The following MAOB variants were observed in gnomAD, a reference collection of about 807,000 sequenced individuals.
MAOB encodes monoamine oxidase B, also known as amine oxidase [flavin-containing] B.
MAOB carries 15 observed loss-of-function variants against 41.9 expected under a neutral mutation model. The observed-to-expected ratio is 0.36, with a 90% CI of 0.24 to 0.55. The LOEUF is 0.55. Among genes scored for constraint, MAOB ranks in the 20% least tolerant of loss-of-function variants. The pLI is 0.86. For synonymous variants in MAOB, 167 were observed against 144.2 expected (o/e 1.16, Z -1.13); for missense variants, 345 against 398.7 (o/e 0.87, Z 1.15).
chrX:43,803,228 A>G (rs1278741608), intron 4 of MAOB, 72 bp downstream of exon 4: 2 of 957,634 alleles, frequency 2.1e-6, no homozygotes, highest in Non-Finnish European at 2.8e-6. Context: ...TTGGAGATAT[A>G]TTTTACTTTC....
At chrX:43,775,138 G>A in intron 12 of MAOB, 37 bp downstream of exon 12, 2 of 1,131,975 alleles carry the variant, frequency 1.8e-6, no homozygotes, top group South Asian at 2.3e-5. Context: ...TCAGGTGCAG[G>A]GGATTTCTGT....
chrX:43,799,490 A>C (rs2034567466), intron 5 of MAOB, among the ~76,000 whole-genome samples: 1 of 111,323 alleles, frequency 9.0e-6, no homozygotes, highest in African/African-American at 3.3e-5. Context: ...TATTGCTGGA[A>C]TTCTAGTTGT....
intron 8 of MAOB, among the ~76,000 whole-genome samples, chrX:43,787,409 A>G (rs1203844463): frequency 8.9e-6 from 1 of 111,976 alleles, no homozygotes; most frequent in East Asian, 2.8e-4. Context: ...CATATTATAA[A>G]CATATCATAA....
At chrX:43,810,203 A>G (rs893807432) in intron 3 of MAOB, among the ~76,000 whole-genome samples, 1 of 85,704 alleles carries the variant, frequency 1.2e-5, no homozygotes, top group Non-Finnish European at 2.2e-5. Context: ...AGATCGCGCC[A>G]CTGCACTCCA....
chrX:43,832,058 T>C (rs2035025353), intron 3 of MAOB, among the ~76,000 whole-genome samples: 2 of 112,244 alleles, frequency 1.8e-5, no homozygotes, highest in South Asian at 3.7e-4. Context: ...GATCCATTCC[T>C]GAATTCTTGA....
intron 5 of MAOB, among the ~76,000 whole-genome samples, chrX:43,797,778 CA>C (rs1179047535): frequency 8.9e-6 from 1 of 112,080 alleles, no homozygotes; most frequent in Non-Finnish European, 1.9e-5. Flanking sequence ...CATTCATCCT[CA>C]CCTGGTATCT....
chrX:43,817,806 T>A (rs545771764), intron 3 of MAOB, among the ~76,000 whole-genome samples: 8 of 112,486 alleles, frequency 7.1e-5, no homozygotes, highest in African/African-American at 2.6e-4. Context: ...CAAGGCACTA[T>A]TTAAATGTCA....
At chrX:43,850,461 A>C in intron 1 of MAOB, 2 of 753,542 alleles carry the variant, frequency 2.7e-6, no homozygotes, top group African/African-American at 4.6e-5. Flanking sequence ...TTGGCCAAAT[A>C]GTTCCTCCTC....
intron 3 of MAOB, among the ~76,000 whole-genome samples, chrX:43,820,444 T>G (rs1458845739): frequency 1.8e-5 from 2 of 112,383 alleles, no homozygotes; most frequent in Non-Finnish European, 3.7e-5. Context: ...ACTACAGACA[T>G]AAAGTGATTT....
chrX:43,847,414 T>C (rs1029641822), intron 1 of MAOB, among the ~76,000 whole-genome samples: 9 of 111,212 alleles, frequency 8.1e-5, no homozygotes, highest in Admixed American at 4.8e-4. Context: ...AGCACTTTGG[T>C]CTGGGTGAAG....
intron 1 of MAOB, among the ~76,000 whole-genome samples, chrX:43,849,732 T>C: frequency 8.9e-6 from 1 of 112,865 alleles, no homozygotes; most frequent in Non-Finnish European, 1.9e-5. Context: ...TCAATGCTAG[T>C]ACACAGTTGG....
intron 1 of MAOB, chrX:43,850,299 C>T (rs1355354701): frequency 1.4e-6 from 1 of 719,684 alleles, no homozygotes; most frequent in African/African-American, 2.3e-5. Context: ...TTTAAATTAA[C>T]TTTCTTGGAA....
chrX:43,849,243 G>A (rs1199858341), intron 1 of MAOB, among the ~76,000 whole-genome samples: 2 of 111,739 alleles, frequency 1.8e-5, no homozygotes, highest in East Asian at 5.6e-4. Flanking sequence ...GAGGCAGGCA[G>A]ATGTAGAAAA....
At position 43,856,088 on chromosome X, in the gene MAOB, T is replaced by A. The variant is rs5952335; in HGVS notation, c.47-12324A>T. ...CATGATTTTTTAAGCAGCGTTCAAC[T>A]TTTTTTTTCTTTGGAGATGGAGTCT... is the stretch of plus-strand genomic sequence containing the variant. On this transcript the variant is annotated intron_variant, in intron 1 of 14. Coordinates refer to ENST00000378069, the MANE Select transcript of MAOB (RefSeq NM_000898.5). Among the ~76,000 whole-genome samples, 531 of 110,998 alleles carry A rather than the reference T, an allele frequency of 4.8e-3. 1 individual carries two copies. The highest frequency in any genetic ancestry group is 0.016 in the African/African-American group (505 of 30,628).
chrX:43,882,212 C>A (rs368065319), intron 1 of MAOB, 42 bp downstream of exon 1: 1 of 1,203,033 alleles, frequency 8.3e-7, no homozygotes, highest in African/African-American at 1.7e-5. Flanking sequence ...GCCACCTGTC[C>A]GAGCGCGTGA....
At chrX:43,867,908 T>C (rs1462291986) in intron 1 of MAOB, among the ~76,000 whole-genome samples, 1 of 112,428 alleles carries the variant, frequency 8.9e-6, no homozygotes, top group South Asian at 3.6e-4. Context: ...AATTTATATA[T>C]AGGATGTATC....
intron 1 of MAOB, among the ~76,000 whole-genome samples, chrX:43,874,795 C>A (rs1256505942): frequency 8.9e-6 from 1 of 111,822 alleles, no homozygotes; most frequent in Admixed American, 9.5e-5. Flanking sequence ...CTGTTAAATT[C>A]TACTCCCTTA....
At chrX:43,775,676 G>T (rs1015572437) in intron 11 of MAOB, among the ~76,000 whole-genome samples, 2 of 112,084 alleles carry the variant, frequency 1.8e-5, no homozygotes, top group African/African-American at 6.5e-5. Flanking sequence ...GAAGAAAAAG[G>T]ATTATCAGGT....
intron 1 of MAOB, among the ~76,000 whole-genome samples, chrX:43,852,982 T>A (rs1304935356): frequency 9.0e-6 from 1 of 111,103 alleles, no homozygotes; most frequent in Non-Finnish European, 1.9e-5. Context: ...AGAAGTGCAT[T>A]TGGTACAGCC....
Sources: gnomAD v4.1 joint callset for allele counts (sites outside exome capture counted in the v4.1 genomes callset) on GRCh38, gnomAD v4.1.1 for gene constraint, MANE v1.5 for transcripts, NCBI Gene and HGNC (gene_info 2026-07-23, HGNC 2026-07-21) for gene names.